OSBPL9: variants seen among roughly 807,000 people sequenced by gnomAD.
OSBPL9 encodes oxysterol binding protein like 9.
A neutral mutation model predicts 106.6 loss-of-function variants in OSBPL9; 40 were observed. The observed-to-expected ratio is 0.38, with a 90% CI of 0.29 to 0.49. The LOEUF is 0.49. Among genes scored for constraint, OSBPL9 ranks in the 20% least tolerant of loss-of-function variants. The pLI is 0.97. For missense variants in OSBPL9, 609 were observed against 887.2 expected (o/e 0.69, Z 3.98); for synonymous variants, 269 against 295.4 (o/e 0.91, Z 0.92).
intron 9 of OSBPL9, chr1:51,756,627 G>C (rs1670396528): frequency 2.8e-6 from 1 of 357,366 alleles, no homozygotes; most frequent in African/African-American, 2.1e-5. Flanking sequence ...TGAATACTCA[G>C]CTTTTACAAT....
intron 12 of OSBPL9, among the ~76,000 whole-genome samples, chr1:51,769,576 A>T (rs1673395000): frequency 6.6e-6 from 1 of 152,236 alleles, no homozygotes; most frequent in Non-Finnish European, 1.5e-5. Context: ...TTATTATTAT[A>T]ATTCATAGCT....
the OSBPL9 span, among the ~76,000 whole-genome samples, chr1:51,524,159 A>G: frequency 6.6e-6 from 1 of 152,258 alleles, no homozygotes; most frequent in Admixed American, 6.5e-5. Context: ...AGGCAGCACA[A>G]TAACAACAAT....
At chr1:51,530,896 C>A in the OSBPL9 span, among the ~76,000 whole-genome samples, 1 of 151,512 alleles carries the variant, frequency 6.6e-6, no homozygotes, top group African/African-American at 2.4e-5. Flanking sequence ...ATCGCTTGAA[C>A]CCGGGAGGCC....
chr1:51,539,027 T>C, the OSBPL9 span, among the ~76,000 whole-genome samples: 1 of 152,214 alleles, frequency 6.6e-6, no homozygotes, highest in Non-Finnish European at 1.5e-5. Context: ...ACTCTCTTCC[T>C]AGATGATCTC....
chr1:51,637,489 TA>T (rs772072857), intron 1 of OSBPL9, among the ~76,000 whole-genome samples: 3 of 151,872 alleles, frequency 2.0e-5, no homozygotes, highest in Non-Finnish European at 4.4e-5. Flanking sequence ...AATAAATAAA[TA>T]AAACTAAATA....
chr1:51,735,435 C>G (rs770505210), intron 4 of OSBPL9, among the ~76,000 whole-genome samples: 4 of 152,152 alleles, frequency 2.6e-5, no homozygotes, highest in Non-Finnish European at 5.9e-5. Context: ...CCCACTAGCC[C>G]GGTGGAGTAC....
At chr1:51,635,197 C>T (rs1645352258) in intron 1 of OSBPL9, among the ~76,000 whole-genome samples, 1 of 152,074 alleles carries the variant, frequency 6.6e-6, no homozygotes, top group South Asian at 2.1e-4. Context: ...TGGGTCATAC[C>T]TATAGTCCCA....
chr1:51,580,296 A>G (rs1345645420), intron 1 of OSBPL9, among the ~76,000 whole-genome samples: 1 of 152,218 alleles, frequency 6.6e-6, no homozygotes, highest in African/African-American at 2.4e-5. Flanking sequence ...GTTCTCATTT[A>G]TAAATAAGGA....
intron 1 of OSBPL9, among the ~76,000 whole-genome samples, chr1:51,579,896 G>A (rs563033965): frequency 2.4e-5 from 3 of 123,306 alleles, no homozygotes; most frequent in East Asian, 4.4e-4. Context: ...TAATTTAAAC[G>A]TTCTTGAAGA....
intron 1 of OSBPL9, among the ~76,000 whole-genome samples, chr1:51,579,055 A>ATT (rs560800594): frequency 5.0e-5 from 7 of 139,414 alleles, no homozygotes; most frequent in East Asian, 2.1e-4. Context: ...CTTCAGCAGA[A>ATT]TTTTTTTTTT....
chr1:51,607,186 C>G (rs1445002512), intron 2 of OSBPL9, among the ~76,000 whole-genome samples: 1 of 124,684 alleles, frequency 8.0e-6, no homozygotes, highest in Non-Finnish European at 1.6e-5. Flanking sequence ...TTTTTTGAGA[C>G]AGAGTCATGC....
chr1:51,727,031 C>T (rs945975612), intron 4 of OSBPL9, among the ~76,000 whole-genome samples: 5 of 151,832 alleles, frequency 3.3e-5, no homozygotes, highest in Admixed American at 1.3e-4. Context: ...TGGATTGGAG[C>T]TGGCATCTCT....
intron 3 of OSBPL9, among the ~76,000 whole-genome samples, chr1:51,713,242 C>T (rs913942593): frequency 2.6e-5 from 4 of 152,056 alleles, no homozygotes; most frequent in African/African-American, 7.2e-5. Flanking sequence ...CTCCGCCTCC[C>T]GGGTTCAAGT....
chr1:51,654,260 A>G (rs1646690759), intron 2 of OSBPL9, among the ~76,000 whole-genome samples: 1 of 152,190 alleles, frequency 6.6e-6, no homozygotes, highest in African/African-American at 2.4e-5. Flanking sequence ...TGTTGATATT[A>G]GCAGCTATTG....
At chr1:51,536,301 T>C in the OSBPL9 span, among the ~76,000 whole-genome samples, 100 of 152,096 alleles carry the variant, frequency 6.6e-4, no homozygotes, top group South Asian at 2.1e-3. Context: ...AAAAGGTTTT[T>C]TTTCTTTTAA....
chr1:51,779,098 T>C lies in OSBPL9; in HGVS notation c.1257-2066T>C, dbSNP rs867872129. Among the ~76,000 whole-genome samples the C allele has an allele frequency of 6.6e-5, 10 of 152,192 alleles. No individual in the cohort carries two copies. In the South Asian group the frequency reaches 2.1e-3, roughly 31 times the overall value. On this transcript the variant is annotated intron_variant, in intron 15 of 23. Transcript: ENST00000428468. ...TGGCGATTGTTTGGAAAGGGAGATA[T>C]GGAAACTTTCTGGATTAATGGAAAT...
intron 3 of OSBPL9, among the ~76,000 whole-genome samples, chr1:51,701,624 T>C (rs1038111398): frequency 2.6e-5 from 4 of 151,646 alleles, no homozygotes; most frequent in Non-Finnish European, 5.9e-5. Context: ...ATCCTTTCAC[T>C]ATATAGTCAA....
intron 2 of OSBPL9, among the ~76,000 whole-genome samples, chr1:51,658,761 A>T (rs555652588): frequency 1.0e-3 from 157 of 152,088 alleles, no homozygotes; most frequent in Middle Eastern, 3.4e-3. Context: ...TTTTTTCACA[A>T]TGCAATAAGG....
chr1:51,787,288 A>C, intron 22 of OSBPL9, 65 bp from the exon 23 acceptor site: 2 of 1,492,486 alleles, frequency 1.3e-6, no homozygotes, highest in Admixed American at 1.7e-5. Context: ...GTATTATACT[A>C]TATTCAGGAT....
Sources: allele counts gnomAD v4.1 joint callset (sites outside exome capture counted in the v4.1 genomes callset), GRCh38; gene constraint gnomAD v4.1.1; transcripts MANE v1.5; gene names NCBI Gene and HGNC (gene_info 2026-07-23, HGNC 2026-07-21).